The following MMP28 variants were observed in gnomAD, a reference collection of about 807,000 sequenced individuals.
MMP28 encodes matrix metallopeptidase 28, also known as matrix metalloproteinase-28.
MMP28 carries 55 observed loss-of-function variants against 60.5 expected under a neutral mutation model. That is an observed-to-expected ratio of 0.91 (90% CI 0.73 to 1.14). The LOEUF (loss-of-function observed/expected upper bound fraction) is 1.14, where lower values mean the gene tolerates loss of function less well. MMP28 is among the 50% of genes most tolerant of loss of function. The pLI, the probability that MMP28 is intolerant of heterozygous loss-of-function variation, is 0.00. For missense variants in MMP28, 686 were observed against 738.3 expected (o/e 0.93, Z 0.82); for synonymous variants, 318 against 312.5 (o/e 1.02, Z -0.18).
intron 2 of MMP28, among the ~76,000 whole-genome samples, chr17:35,759,487 G>A (rs2085778821): frequency 1.3e-5 from 2 of 152,252 alleles, no homozygotes; most frequent in South Asian, 2.1e-4. Context: ...AGATTACGAC[G>A]TCAGGAGATC....
At chr17:35,792,140 A>C (rs952859383) in intron 1 of MMP28, among the ~76,000 whole-genome samples, 1 of 152,026 alleles carries the variant, frequency 6.6e-6, no homozygotes, top group Non-Finnish European at 1.5e-5. Flanking sequence ...AGTATCTCCC[A>C]TTCCCACGTT....
Position 35,760,568 on chromosome 17 carries a change from T to C in MMP28, c.266-4149A>G, listed in dbSNP as rs587659237. The stretch of plus-strand genomic sequence containing the variant: ...CCATAGGCCAGGTAAAGCGTGGTAC[T>C]GTATTACTATCTCTGACTTACAGAT... On this transcript the variant is annotated intron_variant, in intron 2 of 2. Transcript: ENST00000615317. 4.6e-5 allele frequency among the ~76,000 whole-genome samples: 7 copies of C among 152,362 alleles called. No homozygotes were observed. The South Asian group carries it at 1.0e-3, about 23-fold the overall frequency.
At chr17:35,787,395 C>T (rs2086682955) in intron 1 of MMP28, among the ~76,000 whole-genome samples, 1 of 152,188 alleles carries the variant, frequency 6.6e-6, no homozygotes, top group Admixed American at 6.5e-5. Context: ...TAACTCAGCT[C>T]CTTTCCTTTA....
At position 35,766,769 on chromosome 17, in the gene MMP28, G is replaced by A; in HGVS notation, c.1294C>T (p.Leu432Phe). The A allele has an allele frequency of 4.4e-6, 7 of 1,578,452 alleles. No homozygotes were observed. The highest frequency in any genetic ancestry group is 6.0e-6 in the Non-Finnish European group (7 of 1,163,040). Reference sequence around the variant, plus strand: ...ACGTAGTAGCGGGCACCCTTGAAGAGGATGAGGCGGCGCAGAGGAGGGAAG... The same window carrying A: ...ACGTAGTAGCGGGCACCCTTGAAGAAGATGAGGCGGCGCAGAGGAGGGAAG... ...LFFPPLRRLI[L>F]FKGARYYVLA... The change falls in exon 8 of 8, where the codon CTC becomes TTC. Residue 432 changes from leucine to phenylalanine, a missense_variant. Transcript: ENST00000605424. This position sits in a 1 kb window ranked among gnomAD's most constrained non-coding sequence, Gnocchi z 4.3.
At chr17:35,785,605 G>T (rs1351198646) in intron 1 of MMP28, among the ~76,000 whole-genome samples, 2 of 152,056 alleles carry the variant, frequency 1.3e-5, no homozygotes, top group African/African-American at 2.4e-5. Flanking sequence ...CCACCACCAT[G>T]CCCGGCTAAT....
chr17:35,793,001 C>G (rs919029915), intron 1 of MMP28, among the ~76,000 whole-genome samples: 3 of 152,016 alleles, frequency 2.0e-5, no homozygotes, highest in African/African-American at 7.3e-5. Context: ...TGCAATTAAC[C>G]ACATACAAAA....
At chr17:35,762,455 G>A (rs184148415), downstream of MMP28, among the ~76,000 whole-genome samples, 38 of 152,300 alleles carry the variant, frequency 2.5e-4, no homozygotes, top group African/African-American at 9.1e-4. Context: ...TCTAGGGGAG[G>A]CCAGCTTAGT....
At chr17:35,778,788 G>C in intron 3 of MMP28, 100 bp downstream of exon 3, 5 of 1,604,412 alleles carry the variant, frequency 3.1e-6, no homozygotes, top group Non-Finnish European at 4.3e-6. Context: ...AGGGAAGAGA[G>C]GTTACTGACA....
At chr17:35,763,117 G>A (rs1250668393), downstream of MMP28, among the ~76,000 whole-genome samples, 30 of 132,920 alleles carry the variant, frequency 2.3e-4, no homozygotes, top group Admixed American at 9.0e-4. Flanking sequence ...GCGAGACTCC[G>A]TCTCCAAAAA....
intron 1 of MMP28, among the ~76,000 whole-genome samples, chr17:35,785,731 G>A (rs1050091233): frequency 1.3e-5 from 2 of 152,104 alleles, no homozygotes; most frequent in African/African-American, 4.8e-5. Context: ...ACAGGCTTGA[G>A]CCACCGCGCC....
chr17:35,772,033 C>T (rs775017548), intron 4 of MMP28, among the ~76,000 whole-genome samples: 11 of 151,888 alleles, frequency 7.2e-5, no homozygotes, highest in Non-Finnish European at 1.0e-4. Flanking sequence ...CTTCTTGGAC[C>T]CCAGGCCAAC....
chr17:35,778,875 T>C lies in MMP28; in HGVS notation c.379+13A>G. On this transcript the variant is annotated intron_variant, in intron 3 of 7. Transcript: ENST00000605424. ...GGGAAATCTTGGCCTAGCCGGATTT[T>C]AACAGTGCTCACCTTGCTTTGCAAA... 6.2e-7 allele frequency: 1 copy of C among 1,614,054 alleles called. No individual in the cohort carries two copies.
Position 35,766,738 on chromosome 17 carries a change from G to T in MMP28, c.1325C>A (p.Ala442Asp). Reference protein sequence around the residue: ...LFKGARYYVLARGGLQVEPYY... With the variant: ...LFKGARYYVLDRGGLQVEPYY... ...GGGCTCCACTTGCAGTCCCCCTCGG[G>T]CCAGCACGTAGTAGCGGGCACCCTT... The change falls in exon 8 of 8, where the codon GCC (alanine) becomes GAC (aspartate). Residue 442 changes from alanine (A) to aspartate (D), a missense_variant. Transcript: ENST00000605424. This position sits in a 1 kb window ranked among gnomAD's most constrained non-coding sequence, Gnocchi z 4.3. The T allele has an allele frequency of 6.3e-7, 1 of 1,591,680 alleles. No individual in the cohort carries two copies. Among genetic ancestry groups the T allele is most frequent in the Non-Finnish European group, 8.5e-7 (1 of 1,169,994 alleles).
At chr17:35,784,256 T>C (rs2086585824) in intron 1 of MMP28, among the ~76,000 whole-genome samples, 1 of 146,596 alleles carries the variant, frequency 6.8e-6, no homozygotes, top group Non-Finnish European at 1.5e-5. Context: ...CACTCCAGCC[T>C]GGGCAACAAG....
chr17:35,794,849 G>C (rs2086920097), intron 1 of MMP28, among the ~76,000 whole-genome samples: 2 of 152,186 alleles, frequency 1.3e-5, no homozygotes, highest in South Asian at 4.1e-4. Context: ...GGAAGCCAGC[G>C]CTGTGTCCCG....
At position 35,795,249 on chromosome 17, in the gene MMP28, C is replaced by G; in HGVS notation, c.111+18G>C. 7.2e-7 allele frequency: 1 copy of G among 1,385,404 alleles called. No homozygotes were observed. Among genetic ancestry groups the G allele is most frequent in the Non-Finnish European group, 9.4e-7 (1 of 1,065,354 alleles). The allele number at this position is 1,385,404 out of a possible 1,614,324, so 85.8% of individuals were successfully genotyped here. On this transcript the variant is annotated intron_variant, in intron 1 of 7. Transcript: ENST00000605424. ...CTCAAGCACACGCACCGCTCTCCGC[C>G]AGGTACACACGGCGTACCTCCGCCT...
intron 2 of MMP28, among the ~76,000 whole-genome samples, chr17:35,758,948 A>C (rs4796105): frequency 0.24 from 36,844 of 151,904 alleles, 5,233 homozygotes; most frequent in African/African-American, 0.38. Context: ...ATGGTCTTTG[A>C]ACAGGCTCAC....
At chr17:35,771,927 C>T (rs2086169523) in intron 4 of MMP28, among the ~76,000 whole-genome samples, 2 of 151,058 alleles carry the variant, frequency 1.3e-5, no homozygotes, top group Non-Finnish European at 3.0e-5. Context: ...TAACAATTCC[C>T]CTTCCACAGC....
At chr17:35,767,039 C>A (rs1391054042) in intron 7 of MMP28, 145 bp from the exon 8 acceptor site, 2 of 797,608 alleles carry the variant, frequency 2.5e-6, no homozygotes, top group South Asian at 1.4e-5. Flanking sequence ...GATTGCACTA[C>A]AAATTAGTTA....
Sources: gnomAD v4.1 joint callset for allele counts (sites outside exome capture counted in the v4.1 genomes callset) on GRCh38, gnomAD v4.1.1 for gene constraint, Gnocchi (gnomAD v3.1) non-coding constraint, MANE v1.5 for transcripts, NCBI Gene and HGNC (gene_info 2026-07-23, HGNC 2026-07-21) for gene names.